Variants in FLRT1 observed in about 807,000 individuals in gnomAD.
The protein encoded by FLRT1 is leucine-rich repeat transmembrane protein FLRT1.
In FLRT1, 14 loss-of-function variants were observed where a neutral mutation model predicts 30.9. The ratio of observed to expected loss-of-function variants is 0.45; its 90% CI spans 0.30 to 0.71. The LOEUF is 0.71. Ranked by LOEUF, FLRT1 falls within the 30% of genes least tolerant of loss-of-function variation. The pLI, the probability that FLRT1 is intolerant of heterozygous loss-of-function variation, is 0.08. For missense variants in FLRT1, 737 were observed against 949.2 expected (o/e 0.78, Z 2.94); for synonymous variants, 368 against 430.4 (o/e 0.85, Z 1.80).
At chr11:64,058,433 C>T (rs977207099) in intron 1 of FLRT1, among the ~76,000 whole-genome samples, 1 of 152,258 alleles carries the variant, frequency 6.6e-6, no homozygotes, top group African/African-American at 2.4e-5. Flanking sequence ...TATGCCAGGC[C>T]TGACGAGGGG....
intron 1 of FLRT1, among the ~76,000 whole-genome samples, chr11:64,041,027 A>G (rs1249361880): frequency 6.6e-6 from 1 of 151,810 alleles, no homozygotes; most frequent in African/African-American, 2.4e-5. Flanking sequence ...GGGATGGCTT[A>G]TACTTAATTA....
intron 1 of FLRT1, among the ~76,000 whole-genome samples, chr11:64,059,594 T>C (rs2134433421): frequency 6.6e-6 from 1 of 152,218 alleles, no homozygotes; most frequent in East Asian, 1.9e-4. Context: ...AAGGTGTGTG[T>C]GCCTCCGCAG....
chr11:64,065,539 C>A (rs1175063251), intron 1 of FLRT1, among the ~76,000 whole-genome samples: 1 of 152,126 alleles, frequency 6.6e-6, no homozygotes, highest in Non-Finnish European at 1.5e-5. Context: ...CCTGTAATCC[C>A]AGCACTTTGG....
rs148581590 is a variant in FLRT1, at chr11:64,096,337, G to A, written c.-1037-6857G>A. On this transcript the variant is annotated intron_variant, in intron 1 of 2. Transcript: ENST00000682287. This position sits in a 1 kb window ranked among gnomAD's most constrained non-coding sequence, Gnocchi z 4.6. ...CCCGAGCTTCCTCTAGGCTGGACAC[G>A]GTCCCTAATGGGCACGGGCGACGCA... 2.1e-3 allele frequency among the ~76,000 whole-genome samples: 315 copies of A among 152,256 alleles called. 3 individuals are homozygous for A. The South Asian group carries it at 0.037, about 18-fold the overall frequency.
chr11:64,043,447 C>T (rs1023494744), intron 1 of FLRT1, among the ~76,000 whole-genome samples: 4 of 152,128 alleles, frequency 2.6e-5, no homozygotes, highest in Non-Finnish European at 4.4e-5. Context: ...CTCTAAACGC[C>T]TGGTTGTGAC....
At chr11:64,074,939 G>A (rs947999027) in intron 1 of FLRT1, among the ~76,000 whole-genome samples, 3 of 152,184 alleles carry the variant, frequency 2.0e-5, no homozygotes, top group African/African-American at 7.2e-5. Context: ...GGCAAAAGGG[G>A]TCACTTCCCA....
Position 64,096,837 on chromosome 11 carries a change from A to T in FLRT1, c.-1037-6357A>T, listed in dbSNP as rs1944585326. ...TGCCGTGTCCCCATACCCTCCAAGC[A>T]CACTGCCAGCTGTGTCCCTTCGAGG... On this transcript the variant is annotated intron_variant, in intron 1 of 2. Coordinates refer to ENST00000682287, the MANE Select transcript of FLRT1 (RefSeq NM_013280.5). The surrounding 1 kb of genome is among the most constrained non-coding windows in gnomAD (Gnocchi z 4.6). Among the ~76,000 whole-genome samples, 1 of 152,116 alleles carries T rather than the reference A, an allele frequency of 6.6e-6. No homozygotes were observed. The highest frequency in any genetic ancestry group is 1.5e-5 in the Non-Finnish European group (1 of 68,008).
Position 64,099,633 on chromosome 11 carries a change from T to C in FLRT1, c.-1037-3561T>C, listed in dbSNP as rs114113587. Among the ~76,000 whole-genome samples the C allele has an allele frequency of 7.9e-3, 1,179 of 150,114 alleles. 17 individuals carry two copies. Among genetic ancestry groups the C allele is most frequent in the African/African-American group, 0.028 (1,129 of 40,670 alleles). The stretch of plus-strand genomic sequence containing the variant: ...ATACAGAGATGGAAGGATGGATGGA[T>C]GGAGAGATAGGAGGATGGATGGAGA... On this transcript the variant is annotated intron_variant, in intron 1 of 2. Transcript: ENST00000682287.
Position 64,116,334 on chromosome 11 carries a change from G to A in FLRT1, c.67G>A (p.Val23Met), listed in dbSNP as rs754271192. Residue 23 changes from valine to methionine, a missense_variant, in exon 3 of 3, where the codon GTG becomes ATG. By Grantham distance (21) the Val-to-Met change is conservative (BLOSUM62 1). Transcript: ENST00000682287. Reference sequence around the variant, plus strand: ...CACTGCCACTGTCACGGCCACCGTTGTGATGACCACGGCCACCATGGACCT... The same window carrying A: ...CACTGCCACTGTCACGGCCACCGTTATGATGACCACGGCCACCATGGACCT... ...TPTATVTATV[V>M]MTTATMDLRD... is the part of the protein sequence containing the mutation. 5.0e-6 allele frequency: 8 copies of A among 1,611,464 alleles called. No homozygotes were observed. In the East Asian group the frequency reaches 1.3e-4, roughly 27 times the overall value.
chr11:64,047,048 C>A (rs528896496), intron 1 of FLRT1, among the ~76,000 whole-genome samples: 1 of 152,184 alleles, frequency 6.6e-6, no homozygotes, highest in African/African-American at 2.4e-5. Context: ...AGTGCCCCCC[C>A]CGGCTAGCAT....
chr11:64,056,605 G>A (rs761159153), intron 1 of FLRT1, among the ~76,000 whole-genome samples: 1 of 152,234 alleles, frequency 6.6e-6, no homozygotes, highest in South Asian at 2.1e-4. Flanking sequence ...CCCTGAGTCC[G>A]GATGGCAGCA....
At chr11:64,055,283 G>A (rs567555569) in intron 1 of FLRT1, among the ~76,000 whole-genome samples, 1 of 152,338 alleles carries the variant, frequency 6.6e-6, no homozygotes, top group South Asian at 2.1e-4. Flanking sequence ...ACCATGCAGT[G>A]GGCGGGAGAC....
intron 1 of FLRT1, among the ~76,000 whole-genome samples, chr11:64,093,792 T>A (rs1944530720): frequency 6.6e-6 from 1 of 152,218 alleles, no homozygotes; most frequent in South Asian, 2.1e-4. Context: ...TAGTCTGGCC[T>A]GGCCAGGGTG....
At chr11:64,058,422 G>C (rs868354473) in intron 1 of FLRT1, among the ~76,000 whole-genome samples, 1 of 152,242 alleles carries the variant, frequency 6.6e-6, no homozygotes, top group Non-Finnish European at 1.5e-5. Flanking sequence ...GTCCTCCCCT[G>C]TATGCCAGGC....
At position 64,063,528 on chromosome 11, in the gene FLRT1, C is replaced by G. The variant is rs546494718; in HGVS notation, c.-1038+27369C>G. ...TCCTGGCAAAGTCCCAGGTGCCCCC[C>G]AAAAGTCTCCGTTACTGCCCAGCAG... On this transcript the variant is annotated intron_variant, in intron 1 of 2. Coordinates refer to ENST00000682287, the MANE Select transcript of FLRT1 (RefSeq NM_013280.5). 7.2e-4 allele frequency among the ~76,000 whole-genome samples: 109 copies of G among 152,292 alleles called. 1 individual carries two copies. The highest frequency in any genetic ancestry group is 2.5e-3 in the African/African-American group (105 of 41,564).
intron 1 of FLRT1, among the ~76,000 whole-genome samples, chr11:64,060,918 C>A (rs1002475714): frequency 1.3e-5 from 2 of 151,962 alleles, no homozygotes; most frequent in African/African-American, 4.8e-5. Flanking sequence ...ATATTCATGA[C>A]CTTGGCGGGC....
At chr11:64,099,556 G>A (rs1187945042) in intron 1 of FLRT1, among the ~76,000 whole-genome samples, 1 of 151,932 alleles carries the variant, frequency 6.6e-6, no homozygotes, top group Non-Finnish European at 1.5e-5. Flanking sequence ...AGAGATGGAT[G>A]GATGGATAGA....
chr11:64,113,119 T>C (rs1040911059), intron 2 of FLRT1, among the ~76,000 whole-genome samples: 1 of 152,254 alleles, frequency 6.6e-6, no homozygotes, highest in Non-Finnish European at 1.5e-5. Flanking sequence ...TCCTACCTGG[T>C]TCTCAAGTAG....
chr11:64,095,463 A>G (rs1366915817), intron 1 of FLRT1, among the ~76,000 whole-genome samples: 1 of 152,140 alleles, frequency 6.6e-6, no homozygotes, highest in Admixed American at 6.5e-5. Flanking sequence ...CAGGCAAAAA[A>G]TCCCTTGGCA....
Sources: allele counts gnomAD v4.1 joint callset (sites outside exome capture counted in the v4.1 genomes callset), GRCh38; gene constraint gnomAD v4.1.1; non-coding constraint Gnocchi (gnomAD v3.1); transcripts MANE v1.5; gene names NCBI Gene and HGNC (gene_info 2026-07-23, HGNC 2026-07-21).